Variants in PRIMA1 observed in about 807,000 individuals in gnomAD.
The protein encoded by PRIMA1 is proline-rich membrane anchor 1.
PRIMA1 carries 7 observed loss-of-function variants against 17.5 expected under a neutral mutation model. The observed-to-expected ratio is 0.40, with a 90% CI of 0.23 to 0.75. PRIMA1 has a LOEUF of 0.75. Among genes scored for constraint, PRIMA1 ranks in the 30% least tolerant of loss-of-function variants. The pLI is 0.37. For synonymous variants in PRIMA1, 97 were observed against 77.9 expected (o/e 1.25, Z -1.29); for missense variants, 200 against 201.8 (o/e 0.99, Z 0.05).
intron 3 of PRIMA1, among the ~76,000 whole-genome samples, chr14:93,777,460 C>T (rs937951876): frequency 1.3e-5 from 2 of 152,192 alleles, no homozygotes; most frequent in Non-Finnish European, 2.9e-5. Flanking sequence ...CCTCAGCCTC[C>T]GGAGCAGCTG....
rs553429835 is a variant in PRIMA1 at position 93,753,664 on chromosome 14, C to A, written c.230-16294G>T. 7.9e-5 allele frequency among the ~76,000 whole-genome samples: 12 copies of A among 152,284 alleles called. No homozygotes were observed. The South Asian group carries it at 1.9e-3, about 24-fold the overall frequency. On this transcript the variant is annotated intron_variant, in intron 3 of 4. Transcript: ENST00000393140. ...CTCGCCATCTTTCCCAGGCAGAAGG[C>A]CCGACAACAGAGCTTTCCCAAAGGC...
chr14:93,727,099 G>A (rs1044502193), intron 4 of PRIMA1, among the ~76,000 whole-genome samples: 11 of 152,168 alleles, frequency 7.2e-5, no homozygotes, highest in African/African-American at 2.7e-4. Context: ...TCGCCCAGGG[G>A]GGTGGGAGAC....
chr14:93,774,663 C>T (rs1469095584), intron 3 of PRIMA1, among the ~76,000 whole-genome samples: 1 of 152,196 alleles, frequency 6.6e-6, no homozygotes, highest in Non-Finnish European at 1.5e-5. Flanking sequence ...AATTCTCCCA[C>T]GTCTTCCCAA....
chr14:93,772,386 T>TG (rs760237262), intron 3 of PRIMA1, among the ~76,000 whole-genome samples: 6 of 152,274 alleles, frequency 3.9e-5, no homozygotes, highest in Middle Eastern at 3.2e-3. Context: ...CTCACGCCTC[T>TG]GTTCTGCCAC....
intron 4 of PRIMA1, among the ~76,000 whole-genome samples, chr14:93,735,761 A>AGC (rs942231775): frequency 4.8e-5 from 7 of 145,080 alleles, no homozygotes; most frequent in Non-Finnish European, 1.5e-5. Context: ...GTGTGCTCTC[A>AGC]GCGCACTGCA....
intron 4 of PRIMA1, among the ~76,000 whole-genome samples, chr14:93,732,927 G>A (rs148181310): frequency 0.015 from 2,214 of 152,272 alleles, 23 homozygotes; most frequent in Non-Finnish European, 0.02. Flanking sequence ...ACATGTGCCC[G>A]TCAGGCCTAG....
At chr14:93,767,759 C>G (rs138535816) in intron 3 of PRIMA1, among the ~76,000 whole-genome samples, 2,629 of 152,284 alleles carry the variant, frequency 0.017, 64 homozygotes, top group African/African-American at 0.06. Flanking sequence ...CTACACACCC[C>G]CCCTCTCCAT....
At position 93,779,321 on chromosome 14, in the gene PRIMA1, T is replaced by C. The variant is rs1885316450; in HGVS notation, c.94-10A>G. The C allele has an allele frequency of 1.9e-6, 3 of 1,543,726 alleles. No homozygotes were observed. Among genetic ancestry groups the C allele is most frequent in the East Asian group, 2.5e-5 (1 of 39,464 alleles). On this transcript the variant is annotated splice_polypyrimidine_tract_variant and intron_variant, in intron 2 of 4. Coordinates refer to ENST00000393140, the MANE Select transcript of PRIMA1 (RefSeq NM_178013.4). ...GCTCACCATGCGTCACCTGTACACA[T>C]GGGCACACGTACCCAAGAGAGAGAG...
intron 2 of PRIMA1, among the ~76,000 whole-genome samples, chr14:93,787,191 A>C (rs1162763086): frequency 6.6e-6 from 1 of 152,200 alleles, no homozygotes; most frequent in Non-Finnish European, 1.5e-5. Context: ...CTACATCCTC[A>C]ACTCTGATAC....
chr14:93,736,428 T>G (rs1457202249), intron 4 of PRIMA1, among the ~76,000 whole-genome samples: 4 of 152,200 alleles, frequency 2.6e-5, no homozygotes, highest in Non-Finnish European at 5.9e-5. Context: ...CTGATTACAG[T>G]TATGCCTGTG....
rs137891625 is a variant in PRIMA1 at position 93,737,168 on chromosome 14, A to T, written c.359+73T>A. The stretch of plus-strand genomic sequence containing the variant: ...TTATAATTTAAAATAATGATACGGG[A>T]TGTGTGTAGGAGCCCCAAGCCCAGC... On this transcript the variant is annotated intron_variant, in intron 4 of 4. Transcript: ENST00000393140. The T allele has an allele frequency of 4.4e-4, 632 of 1,431,150 alleles. 7 individuals carry two copies. In the East Asian group the frequency reaches 0.013, roughly 30 times the overall value. The allele number at this position is 1,431,150 out of a possible 1,614,324, so 88.7% of individuals were successfully genotyped here.
At position 93,756,842 on chromosome 14, in the gene PRIMA1, C is replaced by A. The variant is rs145720979; in HGVS notation, c.230-19472G>T. ...TCTTTCGGACAAGCCTTCCCTTAGC[C>A]CTCCCTCTGTTCAATCCAGCAGCAA... is the stretch of plus-strand genomic sequence containing the variant. On this transcript the variant is annotated intron_variant, in intron 3 of 4. Coordinates refer to ENST00000393140, the MANE Select transcript of PRIMA1 (RefSeq NM_178013.4). Among the ~76,000 whole-genome samples, 80 of 152,198 alleles carry A rather than the reference C, an allele frequency of 5.3e-4. No individual in the cohort carries two copies. In the East Asian group the frequency reaches 0.015, roughly 28 times the overall value.
chr14:93,767,796 C>G (rs945865690), intron 3 of PRIMA1, among the ~76,000 whole-genome samples: 35 of 152,326 alleles, frequency 2.3e-4, no homozygotes, highest in African/African-American at 8.4e-4. Flanking sequence ...GAGGAATGAG[C>G]CATCATCCCC....
In PRIMA1 at chr14:93,721,190, G is replaced by C. The variant is rs1184222035; in HGVS notation, c.*254C>G. On this transcript the variant is annotated 3_prime_UTR_variant, in exon 5 of 5. Coordinates refer to ENST00000393140, the MANE Select transcript of PRIMA1 (RefSeq NM_178013.4). ...CAGACCAGACACCAGACAGGGAGGA[G>C]GATGTGGAGGGCCTGGGGTGGGGAC... The C allele has an allele frequency of 2.1e-6, 1 of 483,976 alleles. No homozygotes were observed. The highest frequency in any genetic ancestry group is 1.9e-5 in the African/African-American group (1 of 51,282). 30.0% of individuals were successfully genotyped at this position (483,976 alleles called of 1,614,324 possible).
intron 2 of PRIMA1, among the ~76,000 whole-genome samples, chr14:93,783,118 A>G (rs1885428992): frequency 6.6e-6 from 1 of 152,064 alleles, no homozygotes; most frequent in Non-Finnish European, 1.5e-5. Context: ...TTTCCATGCT[A>G]TTTTGCAATG....
chr14:93,728,371 C>T (rs756762970), intron 4 of PRIMA1, among the ~76,000 whole-genome samples: 2 of 152,130 alleles, frequency 1.3e-5, no homozygotes, highest in African/African-American at 2.4e-5. Context: ...GACAGGTCAG[C>T]GAGGTCCAGG....
At chr14:93,729,638 C>A (rs2076100911) in intron 4 of PRIMA1, among the ~76,000 whole-genome samples, 1 of 152,202 alleles carries the variant, frequency 6.6e-6, no homozygotes, top group South Asian at 2.1e-4. Context: ...TTGGCCCTGA[C>A]TCTGCAGATC....
At chr14:93,757,780 A>G (rs2076300619) in intron 3 of PRIMA1, among the ~76,000 whole-genome samples, 3 of 152,188 alleles carry the variant, frequency 2.0e-5, no homozygotes, top group Non-Finnish European at 4.4e-5. Flanking sequence ...TAAAATCTCA[A>G]AAGCAGGAAG....
chr14:93,736,437 T>G (rs1332250542), intron 4 of PRIMA1, among the ~76,000 whole-genome samples: 1 of 152,190 alleles, frequency 6.6e-6, no homozygotes, highest in Non-Finnish European at 1.5e-5. Context: ...GTTATGCCTG[T>G]GTTATTTATC....
Sources: gnomAD v4.1 joint callset for allele counts (sites outside exome capture counted in the v4.1 genomes callset) on GRCh38, gnomAD v4.1.1 for gene constraint, MANE v1.5 for transcripts, NCBI Gene and HGNC (gene_info 2026-07-23, HGNC 2026-07-21) for gene names.